The following CCDC85A variants were observed in gnomAD, a reference collection of about 807,000 sequenced individuals.
The protein encoded by CCDC85A is coiled-coil domain containing 85A, also known as coiled-coil domain-containing protein 85A.
Under a neutral mutation model 50.2 loss-of-function variants are expected in CCDC85A, and 38 were observed. The observed-to-expected ratio is 0.76, with a 90% CI of 0.58 to 0.99. The LOEUF (loss-of-function observed/expected upper bound fraction) is 0.99, where lower values mean the gene tolerates loss of function less well. CCDC85A is among the 50% of genes least tolerant of loss of function. The pLI is 0.00. For synonymous variants in CCDC85A, 366 were observed against 301.4 expected (o/e 1.21, Z -2.22); for missense variants, 820 against 742.0 (o/e 1.11, Z -1.22).
intron 2 of CCDC85A, among the ~76,000 whole-genome samples, chr2:56,198,902 T>C (rs1475564677): frequency 3.3e-5 from 5 of 152,238 alleles, no homozygotes; most frequent in African/African-American, 9.6e-5. Context: ...GTCAAGCTAA[T>C]GTTCAAATGT....
chr2:56,300,600 G>C (rs1047163087), intron 2 of CCDC85A, among the ~76,000 whole-genome samples: 8 of 152,214 alleles, frequency 5.3e-5, no homozygotes, highest in African/African-American at 1.9e-4. Context: ...GCCCTTGTAT[G>C]CTTAGGCATG....
At chr2:56,189,312 T>TTTTTTTTTTTTTTTTTTTA (rs1572998269) in intron 1 of CCDC85A, among the ~76,000 whole-genome samples, 2 of 149,954 alleles carry the variant, frequency 1.3e-5, no homozygotes, top group Non-Finnish European at 1.5e-5. Context: ...TTTTTTTTTT[T>TTTTTTTTTTTTTTTTTTTA]GAGACAAGGT....
intron 2 of CCDC85A, among the ~76,000 whole-genome samples, chr2:56,292,450 C>A (rs1483939850): frequency 1.3e-5 from 2 of 152,130 alleles, no homozygotes; most frequent in Non-Finnish European, 2.9e-5. Flanking sequence ...TTGGTCCAGA[C>A]CTTTTAGTTT....
chr2:56,325,927 A>G (rs561833464), intron 2 of CCDC85A, among the ~76,000 whole-genome samples: 3 of 152,250 alleles, frequency 2.0e-5, no homozygotes, highest in Admixed American at 6.6e-5. Context: ...TTAAGGAGAT[A>G]ATGCAGTTAT....
chr2:56,307,572 T>A (rs1672500662), intron 2 of CCDC85A, among the ~76,000 whole-genome samples: 1 of 152,192 alleles, frequency 6.6e-6, no homozygotes. Context: ...AATTAGCATA[T>A]CATTAATTGA....
intron 5 of CCDC85A, among the ~76,000 whole-genome samples, chr2:56,380,638 A>AT (rs1380883379): frequency 8.6e-5 from 13 of 151,914 alleles, no homozygotes; most frequent in Non-Finnish European, 1.6e-4. Context: ...AAAAATAAAT[A>AT]AATAAATAAA....
chr2:56,326,682 C>T (rs186965378), intron 2 of CCDC85A, among the ~76,000 whole-genome samples: 2 of 152,166 alleles, frequency 1.3e-5, no homozygotes, highest in Non-Finnish European at 2.9e-5. Context: ...TTAAAAAAAA[C>T]CCTGACACAT....
rs376333922 is a variant in CCDC85A, at chr2:56,320,082, G to A, written c.1241-22797G>A. Among the ~76,000 whole-genome samples, 45 of 152,264 alleles carry A rather than the reference G, an allele frequency of 3.0e-4. No homozygotes were observed. The East Asian group carries it at 8.5e-3, about 29-fold the overall frequency. On this transcript the variant is annotated intron_variant, in intron 2 of 5. Transcript: ENST00000407595. ...GAAGGCAGAAATAAAGATGTTATTT[G>A]AAACCAATGAGAACAAAGACACAAC...
intron 2 of CCDC85A, among the ~76,000 whole-genome samples, chr2:56,249,416 C>A (rs915668740): frequency 6.6e-6 from 1 of 152,212 alleles, no homozygotes; most frequent in African/African-American, 2.4e-5. Context: ...GATGCAGCCT[C>A]CTGGAGTACA....
chr2:56,202,027 C>T (rs1480900536), intron 2 of CCDC85A, among the ~76,000 whole-genome samples: 2 of 152,122 alleles, frequency 1.3e-5, no homozygotes, highest in Non-Finnish European at 2.9e-5. Context: ...GACATTTATT[C>T]TTCTAGACAT....
rs1448849276 is a variant in CCDC85A at position 56,192,795 on chromosome 2, T to G, written c.595T>G (p.Ser199Ala). The G allele has an allele frequency of 6.2e-7, 1 of 1,612,746 alleles. No individual in the cohort carries two copies. Among genetic ancestry groups the G allele is most frequent in the Admixed American group, 1.7e-5 (1 of 59,866 alleles). ...GGCCAGCCTGTGCCAACTCACAGCCTCCACCGCACCCTACGTGCGGGATGT... is the reference window on the plus strand; with the variant it reads ...GGCCAGCCTGTGCCAACTCACAGCCGCCACCGCACCCTACGTGCGGGATGT... ...SQASLCQLTA[S>A]TAPYVRDVGD... Residue 199 changes from serine (S) to alanine (A), a missense_variant, in exon 2 of 6, where the codon TCC becomes GCC. Transcript: ENST00000407595. The surrounding 1 kb of genome is among the most constrained non-coding windows in gnomAD (Gnocchi z 4.7).
chr2:56,267,715 T>C (rs1670514758), intron 2 of CCDC85A, among the ~76,000 whole-genome samples: 1 of 152,180 alleles, frequency 6.6e-6, no homozygotes, highest in Non-Finnish European at 1.5e-5. Flanking sequence ...CCATATTTCA[T>C]TGGGAACACT....
chr2:56,280,687 TAGAG>T (rs1558620908), intron 2 of CCDC85A, among the ~76,000 whole-genome samples: 1 of 152,150 alleles, frequency 6.6e-6, no homozygotes, highest in African/African-American at 2.4e-5. Context: ...TATTTAGTGT[TAGAG>T]AGAGTGTTAA....
chr2:56,305,605 T>A (rs1672407938), intron 2 of CCDC85A, among the ~76,000 whole-genome samples: 1 of 152,250 alleles, frequency 6.6e-6, no homozygotes, highest in Admixed American at 6.5e-5. Context: ...CTATAATTTG[T>A]ATATTTGCCT....
intron 2 of CCDC85A, among the ~76,000 whole-genome samples, chr2:56,302,783 T>A (rs1193967516): frequency 6.6e-6 from 1 of 152,210 alleles, no homozygotes; most frequent in Non-Finnish European, 1.5e-5. Flanking sequence ...TTACATAAGG[T>A]CTTTTTCACC....
At chr2:56,283,482 A>C (rs980313328) in intron 2 of CCDC85A, among the ~76,000 whole-genome samples, 1 of 152,112 alleles carries the variant, frequency 6.6e-6, no homozygotes, top group Non-Finnish European at 1.5e-5. Flanking sequence ...TTCTTTTCTA[A>C]CATTTGCTGG....
chr2:56,222,870 A>C (rs1186881570), intron 2 of CCDC85A, among the ~76,000 whole-genome samples: 1 of 152,064 alleles, frequency 6.6e-6, no homozygotes, highest in African/African-American at 2.4e-5. Context: ...CATTTTTGGA[A>C]CTCATTTGAA....
At chr2:56,232,583 C>A (rs929872679) in intron 2 of CCDC85A, among the ~76,000 whole-genome samples, 1 of 152,128 alleles carries the variant, frequency 6.6e-6, no homozygotes, top group African/African-American at 2.4e-5. Flanking sequence ...TCTCTCCTTC[C>A]ACCCTGTGAA....
intron 5 of CCDC85A, among the ~76,000 whole-genome samples, chr2:56,376,658 A>G (rs2104399531): frequency 6.6e-6 from 1 of 152,350 alleles, no homozygotes; most frequent in Non-Finnish European, 1.5e-5. Context: ...ATAAATATTT[A>G]CTTATCTCAA....
Sources: allele counts gnomAD v4.1 joint callset (sites outside exome capture counted in the v4.1 genomes callset), GRCh38; gene constraint gnomAD v4.1.1; non-coding constraint Gnocchi (gnomAD v3.1); transcripts MANE v1.5; gene names NCBI Gene and HGNC (gene_info 2026-07-23, HGNC 2026-07-21).